The following ICA1L variants were observed in gnomAD, a reference collection of about 807,000 sequenced individuals.
ICA1L encodes islet cell autoantigen 1-like protein.
In ICA1L, 50 loss-of-function variants were observed where a neutral mutation model predicts 61.3. That is an observed-to-expected ratio of 0.82 (90% CI 0.65 to 1.03). The LOEUF is 1.03. Ranked by LOEUF, ICA1L falls within the 50% of genes least tolerant of loss-of-function variation. The pLI is 0.00. For synonymous variants in ICA1L, 161 were observed against 191.3 expected (o/e 0.84, Z 1.31); for missense variants, 508 against 556.7 (o/e 0.91, Z 0.88).
rs35396890 is a variant in ICA1L at position 202,777,045 on chromosome 2, T to A, written c.*2488A>T. 2.8e-4 allele frequency: 4 copies of A among 14,164 alleles called. No homozygotes were observed. The highest frequency in any genetic ancestry group is 7.7e-4 in the African/African-American group (4 of 5,224). The allele number at this position is 14,164 out of a possible 1,614,324, so 0.9% of individuals were successfully genotyped here. On this transcript the variant is annotated 3_prime_UTR_variant, in exon 13 of 13. Transcript: ENST00000358299. ...CAAACTCTCAAGACATAAAGTTAGC[T>A]TTTTTTTTTTTTTTTTTTTTTTTTT...
At position 202,773,637 on chromosome 2, in the gene ICA1L, A is replaced by C; in HGVS notation, c.*5896T>G. 3 of 676,340 alleles carry C rather than the reference A, an allele frequency of 4.4e-6. No homozygotes were observed. The highest frequency in any genetic ancestry group is 7.6e-6 in the Non-Finnish European group (3 of 395,796). The allele number at this position is 676,340 out of a possible 1,614,324, so 41.9% of individuals were successfully genotyped here. A position where few individuals can be genotyped will look rare whatever the true frequency, so the allele number is the denominator to read the frequency against. ...TCAAAGCAAAGCCTCTTTCCCACAA[A>C]CTAAATTCCATCCATTTGAGCTTTC... is the stretch of plus-strand genomic sequence containing the variant. On this transcript the variant is annotated 3_prime_UTR_variant, in exon 13 of 13. Coordinates refer to ENST00000358299, the MANE Select transcript of ICA1L (RefSeq NM_001288622.3).
At chr2:202,781,219 A>T (rs1275949633) in intron 12 of ICA1L, among the ~76,000 whole-genome samples, 3 of 152,154 alleles carry the variant, frequency 2.0e-5, no homozygotes, top group Non-Finnish European at 2.9e-5. Context: ...AGAGAGAAAA[A>T]GCCCAAATTA....
chr2:202,779,998 A>ATATT (rs1474206043), intron 12 of ICA1L, among the ~76,000 whole-genome samples: 8 of 152,088 alleles, frequency 5.3e-5, no homozygotes, highest in Non-Finnish European at 8.8e-5. Context: ...TGAGGTGCCT[A>ATATT]TATTTAAATA....
In ICA1L at chr2:202,825,745, G is replaced by A. The variant is rs746447105; in HGVS notation, c.185C>T (p.Thr62Ile). 49 of 1,587,130 alleles carry A rather than the reference G, an allele frequency of 3.1e-5. No individual in the cohort carries two copies. The highest frequency in any genetic ancestry group is 4.1e-5 in the Non-Finnish European group (47 of 1,159,514). Residue 62 changes from threonine (T) to isoleucine (I), a missense_variant, in exon 3 of 13, where the codon ACA (threonine) becomes ATA (isoleucine). Thr to Ile is a moderately conservative substitution (Grantham distance 89, BLOSUM62 -1). Transcript: ENST00000358299. ...KLEVFHSVQE[T>I]CTELLKIIEK... ...GATTATCTTCAGAAGTTCAGTGCATGTCTCTTGAACAGAGTGAAAAACCTT... is the reference window on the plus strand; with the variant it reads ...GATTATCTTCAGAAGTTCAGTGCATATCTCTTGAACAGAGTGAAAAACCTT...
At chr2:202,791,918 A>G (rs1373676970) in intron 10 of ICA1L, among the ~76,000 whole-genome samples, 1 of 152,050 alleles carries the variant, frequency 6.6e-6, no homozygotes, top group Non-Finnish European at 1.5e-5. Flanking sequence ...CTGTAATCCC[A>G]GCACTTTGGA....
At position 202,775,484 on chromosome 2, in the gene ICA1L, T is replaced by C. The variant is rs1174789228; in HGVS notation, c.*4049A>G. ...ATTATATTATTTCCCATATCTTACATAGTCCCCTTGTATATGAAATAAGAA... is the reference window on the plus strand; with the variant it reads ...ATTATATTATTTCCCATATCTTACACAGTCCCCTTGTATATGAAATAAGAA... On this transcript the variant is annotated 3_prime_UTR_variant, in exon 13 of 13. Transcript: ENST00000358299. The C allele has an allele frequency of 6.6e-6, 1 of 152,220 alleles. No homozygotes were observed. Among genetic ancestry groups the C allele is most frequent in the Non-Finnish European group, 1.5e-5 (1 of 68,034 alleles). 9.4% of individuals were successfully genotyped at this position (152,220 alleles called of 1,614,324 possible). A position where few individuals can be genotyped will look rare whatever the true frequency, so the allele number is the denominator to read the frequency against.
intron 1 of ICA1L, among the ~76,000 whole-genome samples, chr2:202,832,379 G>A (rs764687469): frequency 2.0e-5 from 3 of 149,834 alleles, no homozygotes; most frequent in Admixed American, 6.7e-5. Context: ...CCCGGAAGGC[G>A]GAGGTTGCAG....
intron 1 of ICA1L, among the ~76,000 whole-genome samples, chr2:202,861,561 C>T (rs1265922383): frequency 6.6e-6 from 1 of 151,734 alleles, no homozygotes; most frequent in Non-Finnish European, 1.5e-5. Flanking sequence ...ACACTGCCCC[C>T]AGAATAGTAA....
intron 1 of ICA1L, among the ~76,000 whole-genome samples, chr2:202,832,610 A>G (rs1250445414): frequency 6.6e-6 from 1 of 152,122 alleles, no homozygotes; most frequent in African/African-American, 2.4e-5. Context: ...AAGTTCAGTA[A>G]CTGTAATTTA....
At chr2:202,786,040 TAATC>T (rs763166985) in intron 11 of ICA1L, 33 bp from the exon 12 acceptor site, 1 of 1,220,426 alleles carries the variant, frequency 8.2e-7, no homozygotes, top group Non-Finnish European at 1.2e-6. Context: ...TGTCCATTGT[TAATC>T]AAATAGGAAG....
rs747794896 is a variant in ICA1L at position 202,788,912 on chromosome 2, C to T, written c.1161G>A (p.Gly387=). 1 of 1,613,842 alleles carries T rather than the reference C, an allele frequency of 6.2e-7. No individual in the cohort carries two copies. Among genetic ancestry groups the T allele is most frequent in the South Asian group, 1.1e-5 (1 of 91,078 alleles). ...GAGAAGAATGAGCGAGGGGCTCAGA[C>T]CCCATGGAAGGCTCCTGGGATGTGA... ...ASLTSQEPSM[G]SEPLAHSSRF... The change falls in exon 11 of 13, where the codon GGG becomes GGA. Residue 387 remains glycine (G), a synonymous_variant. Transcript: ENST00000358299.
chr2:202,788,731 A>T, intron 11 of ICA1L, 99 bp downstream of exon 11: 2 of 1,262,192 alleles, frequency 1.6e-6, no homozygotes, highest in Non-Finnish European at 2.3e-6. Context: ...CTGACATTAA[A>T]ATCAATCTGC....
Position 202,788,823 on chromosome 2 carries a change from C to CACTT in ICA1L, c.1243+3_1243+6dup, listed in dbSNP as rs778297064. 3.0e-5 allele frequency: 49 copies of CACTT among 1,613,710 alleles called. No individual in the cohort carries two copies. The highest frequency in any genetic ancestry group is 8.3e-5 in the Admixed American group (5 of 59,960). On this transcript the variant is annotated splice_region_variant and intron_variant, in intron 11 of 12. Transcript: ENST00000358299. The stretch of plus-strand genomic sequence containing the variant: ...CACATATGTCCAAATGTTTCATAGA[C>CACTT]ACTTACTGTTGAACGCTCCAGCCAC...
intron 12 of ICA1L, 30 bp downstream of exon 12, chr2:202,785,883 AGCAAT>A: frequency 8.9e-7 from 1 of 1,123,372 alleles, no homozygotes; most frequent in East Asian, 2.4e-5. Context: ...TGATTCTTAA[AGCAAT>A]GATAAAGAAT....
At chr2:202,870,917 C>G (rs534545178) in intron 1 of ICA1L, 1 of 152,306 alleles carries the variant, frequency 6.6e-6, no homozygotes, top group South Asian at 2.1e-4. Context: ...AGGTATCTGA[C>G]CACTGACATC....
intron 1 of ICA1L, among the ~76,000 whole-genome samples, chr2:202,834,221 T>G (rs1694087637): frequency 6.6e-6 from 1 of 152,138 alleles, no homozygotes; most frequent in South Asian, 2.1e-4. Flanking sequence ...TTAAAGAAAA[T>G]TACACCAGAT....
In ICA1L at chr2:202,819,792, C is replaced by T. The variant is rs766859524; in HGVS notation, c.467G>A (p.Arg156His). Residue 156 changes from arginine to histidine, a missense_variant, in exon 5 of 13, where the codon CGC becomes CAC. Physicochemically the swap from Arg to His is conservative, Grantham distance 29. Transcript: ENST00000358299. ...CAGTAGAGCTCCTCTGTATTCTGTG[C>T]GTGCCTGCTCCATCCGATTAATTGT... ...LMTINRMEQA[R>H]TEYRGALLWM... The T allele has an allele frequency of 5.2e-5, 84 of 1,613,706 alleles. No homozygotes were observed. Among genetic ancestry groups the T allele is most frequent in the Admixed American group, 3.8e-4 (23 of 60,008 alleles).
intron 1 of ICA1L, among the ~76,000 whole-genome samples, chr2:202,845,678 A>C (rs995577603): frequency 3.3e-5 from 5 of 152,098 alleles, no homozygotes; most frequent in Non-Finnish European, 7.4e-5. Context: ...ACAGTATTTA[A>C]ATTTTCAGCT....
intron 5 of ICA1L, among the ~76,000 whole-genome samples, chr2:202,817,790 G>A (rs191786734): frequency 2.6e-5 from 4 of 152,062 alleles, no homozygotes; most frequent in East Asian, 1.9e-4. Flanking sequence ...GATAATAGAT[G>A]GAAAGCAAAT....
Sources: gnomAD v4.1 joint callset for allele counts (sites outside exome capture counted in the v4.1 genomes callset) on GRCh38, gnomAD v4.1.1 for gene constraint, MANE v1.5 for transcripts, NCBI Gene and HGNC (gene_info 2026-07-23, HGNC 2026-07-21) for gene names.